The following PPFIA2 variants were observed in gnomAD, a reference collection of about 807,000 sequenced individuals.
PPFIA2 encodes liprin-alpha-2.
PPFIA2 carries 46 observed loss-of-function variants against 175.5 expected under a neutral mutation model. The ratio of observed to expected loss-of-function variants is 0.26; its 90% confidence interval spans 0.21 to 0.34. The LOEUF (loss-of-function observed/expected upper bound fraction) is 0.34, where lower values mean the gene tolerates loss of function less well. Ranked by LOEUF, PPFIA2 falls within the 10% of genes least tolerant of loss-of-function variation. The pLI is 1.00. For synonymous variants in PPFIA2, 568 were observed against 511.4 expected (o/e 1.11, Z -1.49); for missense variants, 1,179 against 1,506.1 (o/e 0.78, Z 3.60).
intron 4 of PPFIA2, among the ~76,000 whole-genome samples, chr12:81,537,580 T>C (rs890552735): frequency 1.3e-5 from 2 of 151,838 alleles, no homozygotes; most frequent in African/African-American, 4.8e-5. Context: ...TCTAACCTAA[T>C]ACCTGAGATG....
chr12:81,629,150 T>C (rs1265596893), intron 4 of PPFIA2, among the ~76,000 whole-genome samples: 1 of 152,184 alleles, frequency 6.6e-6, no homozygotes, highest in East Asian at 1.9e-4. Context: ...AATGTTTATG[T>C]AACAAGGATT....
At chr12:81,611,765 G>C (rs939704480) in intron 4 of PPFIA2, among the ~76,000 whole-genome samples, 3 of 152,130 alleles carry the variant, frequency 2.0e-5, no homozygotes, top group African/African-American at 7.2e-5. Context: ...CTTTTCACTA[G>C]AGCTGCCAGC....
chr12:81,327,630 A>C (rs1362828741), intron 21 of PPFIA2, among the ~76,000 whole-genome samples: 1 of 152,156 alleles, frequency 6.6e-6, no homozygotes, highest in Non-Finnish European at 1.5e-5. Flanking sequence ...TCAATAAACA[A>C]GGAAAGATTT....
intron 4 of PPFIA2, among the ~76,000 whole-genome samples, chr12:81,486,850 T>G (rs183106158): frequency 6.6e-6 from 1 of 151,918 alleles, no homozygotes; most frequent in Admixed American, 6.6e-5. Flanking sequence ...AATTTTTTGA[T>G]GAGGAAATAA....
At chr12:81,639,886 TAAG>T (rs1238572119) in intron 4 of PPFIA2, among the ~76,000 whole-genome samples, 5 of 152,158 alleles carry the variant, frequency 3.3e-5, no homozygotes, top group African/African-American at 1.2e-4. Context: ...AATCTCCATT[TAAG>T]AAGCAAAACA....
intron 6 of PPFIA2, among the ~76,000 whole-genome samples, chr12:81,443,679 T>C (rs2050651947): frequency 6.6e-6 from 1 of 152,050 alleles, no homozygotes; most frequent in Non-Finnish European, 1.5e-5. Flanking sequence ...ATACATTCTC[T>C]AGTACCTTCA....
chr12:81,360,236 A>C (rs1417886973), intron 15 of PPFIA2, among the ~76,000 whole-genome samples: 2 of 151,810 alleles, frequency 1.3e-5, no homozygotes, highest in African/African-American at 4.8e-5. Flanking sequence ...ATACTAGTTC[A>C]ATTTTTAAAT....
At chr12:81,678,331 G>T (rs193276311) in intron 3 of PPFIA2, among the ~76,000 whole-genome samples, 133 of 151,846 alleles carry the variant, frequency 8.8e-4, no homozygotes, top group African/African-American at 3.1e-3. Flanking sequence ...TTAATCAGAT[G>T]ATTTTCCCCT....
intron 3 of PPFIA2, among the ~76,000 whole-genome samples, chr12:81,712,678 T>C (rs1015260576): frequency 6.6e-6 from 1 of 151,102 alleles, no homozygotes; most frequent in Non-Finnish European, 1.5e-5. Flanking sequence ...ACAGGTGCCT[T>C]ACTGGGTGAC....
intron 25 of PPFIA2, 70 bp from the exon 26 acceptor site, chr12:81,283,109 A>T: frequency 1.3e-6 from 2 of 1,483,478 alleles, no homozygotes; most frequent in Non-Finnish European, 9.3e-7. Flanking sequence ...ATACAGTAAA[A>T]TTTTTCTAGC....
chr12:81,389,617 T>G lies in PPFIA2; in HGVS notation c.763-5373A>C, dbSNP rs1595947061. Among the ~76,000 whole-genome samples the G allele has an allele frequency of 2.6e-5, 4 of 152,230 alleles. No homozygotes were observed. The South Asian group carries it at 8.3e-4, about 31-fold the overall frequency. ...GATTGTATCGTGAGCTTACTGTGTG[T>G]CTTAATAATATCAGAATAAAAAGTC... On this transcript the variant is annotated intron_variant, in intron 8 of 32. Coordinates refer to ENST00000549396, the MANE Select transcript of PPFIA2 (RefSeq NM_003625.5).
chr12:81,265,291 CAA>C (rs571821814), intron 30 of PPFIA2, among the ~76,000 whole-genome samples: 4 of 69,998 alleles, frequency 5.7e-5, no homozygotes, highest in Admixed American at 2.1e-4. Context: ...GAAACTCTGT[CAA>C]AAAAAAAAAA....
At chr12:81,485,283 G>A (rs1174143025) in intron 4 of PPFIA2, among the ~76,000 whole-genome samples, 2 of 151,222 alleles carry the variant, frequency 1.3e-5, no homozygotes, top group African/African-American at 4.9e-5. Flanking sequence ...TATTTATATC[G>A]TTTTTGTACA....
At chr12:81,437,971 G>A (rs2049397092) in intron 7 of PPFIA2, among the ~76,000 whole-genome samples, 1 of 148,748 alleles carries the variant, frequency 6.7e-6, no homozygotes, top group South Asian at 2.1e-4. Flanking sequence ...TGTTTACTAA[G>A]CTGAATCTGG....
intron 4 of PPFIA2, among the ~76,000 whole-genome samples, chr12:81,495,789 T>A (rs1238206716): frequency 2.0e-5 from 3 of 152,238 alleles, no homozygotes; most frequent in African/African-American, 7.2e-5. Flanking sequence ...CACTTTAGCC[T>A]GGGCAACACA....
chr12:81,431,095 A>C (rs1201150679), intron 7 of PPFIA2: 2 of 152,208 alleles, frequency 1.3e-5, no homozygotes, highest in Non-Finnish European at 2.9e-5. Flanking sequence ...CTGCAACTAC[A>C]CTTGCCAGTT....
chr12:81,423,744 T>C (rs998190904), intron 7 of PPFIA2, among the ~76,000 whole-genome samples: 3 of 152,032 alleles, frequency 2.0e-5, no homozygotes, highest in Admixed American at 6.6e-5. Context: ...GTCCTAGCCA[T>C]AGCAATTAGA....
chr12:81,664,544 C>T (rs1444696568), intron 4 of PPFIA2, among the ~76,000 whole-genome samples: 4 of 151,994 alleles, frequency 2.6e-5, no homozygotes, highest in African/African-American at 9.7e-5. Flanking sequence ...ACAACAGGTG[C>T]TGGAGAGGAT....
chr12:81,468,184 C>A (rs1215678271), intron 4 of PPFIA2, among the ~76,000 whole-genome samples: 2 of 152,156 alleles, frequency 1.3e-5, no homozygotes, highest in African/African-American at 2.4e-5. Flanking sequence ...AACAGAGGAA[C>A]CAACCTACTT....
Sources: gnomAD v4.1 joint callset for allele counts (sites outside exome capture counted in the v4.1 genomes callset) on GRCh38, gnomAD v4.1.1 for gene constraint, MANE v1.5 for transcripts, NCBI Gene and HGNC (gene_info 2026-07-23, HGNC 2026-07-21) for gene names.